Variants in HERC1 observed in about 807,000 individuals in gnomAD.
HERC1 encodes the protein probable E3 ubiquitin-protein ligase HERC1.
HERC1 carries 160 observed loss-of-function variants against 554.3 expected under a neutral mutation model. The ratio of observed to expected loss-of-function variants is 0.29; its 90% CI spans 0.25 to 0.33. HERC1 has a LOEUF of 0.33. Ranked by LOEUF, HERC1 falls within the 10% of genes least tolerant of loss-of-function variation. The pLI is 1.00. For missense variants in HERC1, 4,919 were observed against 5,918.5 expected (o/e 0.83, Z 5.54); for synonymous variants, 2,175 against 2,131.7 (o/e 1.02, Z -0.56).
chr15:63,756,610 G>A lies in HERC1; in HGVS notation c.1360C>T (p.His454Tyr). ...GATGAAACCTTTTTAATGGATCTGT[G>A]AGGCTCGAATGTTAACTTTTTTAAA... ...STLKKLTFEPHRSIKKVSSSK... is the reference protein window; with the variant it reads ...STLKKLTFEPYRSIKKVSSSK... The change falls in exon 5 of 78, where the codon CAC (histidine) becomes TAC (tyrosine). Residue 454 changes from histidine (H) to tyrosine (Y), a missense_variant. By Grantham distance (83) the His-to-Tyr change is moderately conservative. Transcript: ENST00000443617. This position sits in a 1 kb window ranked among gnomAD's most constrained non-coding sequence, Gnocchi z 5.0. 3 of 1,613,872 alleles carry A rather than the reference G, an allele frequency of 1.9e-6. No homozygotes were observed. Among genetic ancestry groups the A allele is most frequent in the Non-Finnish European group, 2.5e-6 (3 of 1,179,808 alleles).
chr15:63,629,489 T>C (rs2068452443), intron 69 of HERC1, among the ~76,000 whole-genome samples: 1 of 152,150 alleles, frequency 6.6e-6, no homozygotes, highest in Non-Finnish European at 1.5e-5. Context: ...TAAATAAACA[T>C]ATACAAAAAC....
Position 63,674,505 on chromosome 15 carries a change from T to C in HERC1, c.7683A>G (p.Ala2561=). ...TGTGTCGCATCAAGAACTGCAGGGC[T>C]GCTCGCATCTCCACGTCTTCATGAA... is the stretch of plus-strand genomic sequence containing the variant. ...PVVHEDVEMR[A]ALQFLMRHMV... is the part of the protein sequence containing the mutation. Residue 2561 remains alanine (A), a synonymous_variant, in exon 38 of 78, where the codon GCA becomes GCG. Coordinates refer to ENST00000443617, the MANE Select transcript of HERC1 (RefSeq NM_003922.4). The C allele has an allele frequency of 6.2e-7, 1 of 1,613,778 alleles. No individual in the cohort carries two copies. The highest frequency in any genetic ancestry group is 8.5e-7 in the Non-Finnish European group (1 of 1,179,794).
chr15:63,826,012 C>T lies in HERC1; in HGVS notation c.-27+7815G>A, dbSNP rs554699561. Among the ~76,000 whole-genome samples the T allele has an allele frequency of 2.8e-4, 42 of 152,206 alleles. 2 individuals are homozygous for T. In the South Asian group the frequency reaches 8.5e-3, roughly 31 times the overall value. ...TCCTGACCTCAGGTGATCCACCCAC[C>T]TCAGCCTCCCAAAGTGCTGGAACTA... is the stretch of plus-strand genomic sequence containing the variant. On this transcript the variant is annotated intron_variant, in intron 1 of 77. Coordinates refer to ENST00000443617, the MANE Select transcript of HERC1 (RefSeq NM_003922.4).
At chr15:63,702,033 G>GT (rs961062065) in intron 25 of HERC1, among the ~76,000 whole-genome samples, 1 of 152,068 alleles carries the variant, frequency 6.6e-6, no homozygotes, top group Admixed American at 6.5e-5. Context: ...TACAAGTTTG[G>GT]TTTTTAAATG....
At position 63,645,312 on chromosome 15, in the gene HERC1, T is replaced by C. The variant is rs576829471; in HGVS notation, c.11078+171A>G. Among the ~76,000 whole-genome samples, 26 of 152,338 alleles carry C rather than the reference T, an allele frequency of 1.7e-4. No individual in the cohort carries two copies. In the South Asian group the frequency reaches 4.8e-3, roughly 28 times the overall value. On this transcript the variant is annotated intron_variant, in intron 56 of 77. Coordinates refer to ENST00000443617, the MANE Select transcript of HERC1 (RefSeq NM_003922.4). The stretch of plus-strand genomic sequence containing the variant: ...GGAGATTACATACCAAGTTTCACAC[T>C]GGACAACTACTACTCTTTCTTTTCT...
chr15:63,664,510 G>C lies in HERC1; in HGVS notation c.8640C>G (p.His2880Gln), dbSNP rs2070515981. Residue 2880 changes from histidine to glutamine, a missense_variant, in exon 43 of 78, where the codon CAC becomes CAG. This residue lies in a region of HERC1 where 1,963 missense variants were observed against 2,228.6 expected (regional missense o/e 0.88). Coordinates refer to ENST00000443617, the MANE Select transcript of HERC1 (RefSeq NM_003922.4). ...ARGRSAVTRRHKFDLAARTLL... is the reference protein window; with the variant it reads ...ARGRSAVTRRQKFDLAARTLL... ...GTGTGCGAGCAGCTAAGTCAAACTT[G>C]TGTCTTCTTGTTACCGCTGAGCGAC... The C allele has an allele frequency of 3.1e-6, 5 of 1,613,564 alleles. No homozygotes were observed. The highest frequency in any genetic ancestry group is 1.1e-5 in the South Asian group (1 of 91,032).
intron 40 of HERC1, among the ~76,000 whole-genome samples, chr15:63,668,084 GAAT>G (rs1422189173): frequency 2.0e-5 from 3 of 151,992 alleles, no homozygotes; most frequent in Admixed American, 6.6e-5. Flanking sequence ...AGGTAAAATG[GAAT>G]AATAAAACTT....
chr15:63,709,227 C>T (rs1396737355), intron 24 of HERC1, among the ~76,000 whole-genome samples: 1 of 152,000 alleles, frequency 6.6e-6, no homozygotes, highest in Non-Finnish European at 1.5e-5. Context: ...GAACTGCTGG[C>T]TCGAACTCCT....
chr15:63,612,172 AGTG>A lies in HERC1; in HGVS notation c.14400+76_14400+78del. The A allele has an allele frequency of 7.9e-7, 1 of 1,266,428 alleles. No homozygotes were observed. Among genetic ancestry groups the A allele is most frequent in the Non-Finnish European group, 1.1e-6 (1 of 914,812 alleles). 78.4% of individuals were successfully genotyped at this position (1,266,428 alleles called of 1,614,324 possible). ...CACTGCACTCCAGCCTGGGCCACAG[AGTG>A]AGACCCTGTCTCAACAAAAACAACA... On this transcript the variant is annotated intron_variant, in intron 77 of 77. Transcript: ENST00000443617. This position sits in a 1 kb window ranked among gnomAD's most constrained non-coding sequence, Gnocchi z 5.0.
chr15:63,782,485 A>G (rs1043225447), intron 1 of HERC1, among the ~76,000 whole-genome samples: 2 of 152,176 alleles, frequency 1.3e-5, no homozygotes, highest in African/African-American at 2.4e-5. Flanking sequence ...GCTCAGAAAA[A>G]AGCTTCCTTT....
chr15:63,714,072 G>A (rs2073428790), intron 22 of HERC1, among the ~76,000 whole-genome samples: 1 of 152,054 alleles, frequency 6.6e-6, no homozygotes, highest in Non-Finnish European at 1.5e-5. Context: ...CCAGCAATCT[G>A]TGTTTTAAAG....
chr15:63,746,041 A>T (rs2075042587), intron 12 of HERC1, among the ~76,000 whole-genome samples: 1 of 151,804 alleles, frequency 6.6e-6, no homozygotes, highest in African/African-American at 2.4e-5. Context: ...TTTCACTCTA[A>T]TCTACATTAG....
chr15:63,620,168 T>C (rs1421616566), intron 74 of HERC1, among the ~76,000 whole-genome samples: 1 of 152,196 alleles, frequency 6.6e-6, no homozygotes, highest in Admixed American at 6.5e-5. Context: ...GCTTTGAATG[T>C]GTCCCAGAGA....
In HERC1 at chr15:63,749,344, T is replaced by G. The variant is rs1160952999; in HGVS notation, c.2219+23A>C. The G allele has an allele frequency of 1.9e-6, 3 of 1,552,848 alleles. No individual in the cohort carries two copies. Among genetic ancestry groups the G allele is most frequent in the Non-Finnish European group, 2.6e-6 (3 of 1,153,116 alleles). Reference sequence around the variant, plus strand: ...GTGTTTATGTTAAAACACACAAGAATTTTTAAACATAGGCACTCTTACCTG... The same window carrying G: ...GTGTTTATGTTAAAACACACAAGAAGTTTTAAACATAGGCACTCTTACCTG... On this transcript the variant is annotated intron_variant, in intron 10 of 77. Transcript: ENST00000443617. This position sits in a 1 kb window ranked among gnomAD's most constrained non-coding sequence, Gnocchi z 4.1.
At chr15:63,785,970 T>G (rs770105743) in intron 1 of HERC1, among the ~76,000 whole-genome samples, 9 of 152,092 alleles carry the variant, frequency 5.9e-5, no homozygotes, top group Non-Finnish European at 8.8e-5. Flanking sequence ...CCTCCCAAAG[T>G]GCTGGGATTA....
chr15:63,768,620 A>G (rs1472160139), intron 2 of HERC1, among the ~76,000 whole-genome samples: 1 of 152,252 alleles, frequency 6.6e-6, no homozygotes, highest in Non-Finnish European at 1.5e-5. Context: ...ACAGGTAAGG[A>G]GTAGACTGAT....
intron 16 of HERC1, among the ~76,000 whole-genome samples, chr15:63,728,467 G>A (rs1252593030): frequency 6.6e-6 from 1 of 152,116 alleles, no homozygotes; most frequent in African/African-American, 2.4e-5. Flanking sequence ...CCAAATGGAG[G>A]TATCTAATGA....
At chr15:63,675,238 A>C in intron 37 of HERC1, 121 bp from the exon 38 acceptor site, 1 of 756,798 alleles carries the variant, frequency 1.3e-6, no homozygotes, top group Non-Finnish European at 2.0e-6. Context: ...AATAATTTAC[A>C]CAAACTAGAG....
intron 55 of HERC1, among the ~76,000 whole-genome samples, chr15:63,645,934 A>G (rs2069314099): frequency 6.6e-6 from 1 of 152,236 alleles, no homozygotes; most frequent in African/African-American, 2.4e-5. Flanking sequence ...GGATAAATGA[A>G]TTATGAAATT....
Sources: allele counts gnomAD v4.1 joint callset (sites outside exome capture counted in the v4.1 genomes callset), GRCh38; gene constraint gnomAD v4.1.1; regional missense constraint gnomAD v4.1.1; non-coding constraint Gnocchi (gnomAD v3.1); transcripts MANE v1.5; gene names NCBI Gene and HGNC (gene_info 2026-07-23, HGNC 2026-07-21).